The following CLMN variants were observed in gnomAD, a reference collection of about 807,000 sequenced individuals.
CLMN encodes calmin, also known as calmin (calponin-like, transmembrane).
Under a neutral mutation model 92.7 loss-of-function variants are expected in CLMN, and 57 were observed. The observed-to-expected ratio is 0.61, with a 90% CI of 0.50 to 0.77. The LOEUF is 0.77. Among genes scored for constraint, CLMN ranks in the 30% least tolerant of loss-of-function variants. The pLI is 0.00. For synonymous variants in CLMN, 466 were observed against 470.6 expected (o/e 0.99, Z 0.13); for missense variants, 1,158 against 1,237.5 (o/e 0.94, Z 0.96).
At chr14:95,197,304 G>A (rs1366894684) in intron 9 of CLMN, among the ~76,000 whole-genome samples, 1 of 148,230 alleles carries the variant, frequency 6.7e-6, no homozygotes, top group Non-Finnish European at 1.5e-5. Context: ...GGAGGAAGAA[G>A]AAGAAAGAAG....
intron 1 of CLMN, among the ~76,000 whole-genome samples, chr14:95,258,612 C>T (rs1280099021): frequency 1.6e-5 from 2 of 122,522 alleles, no homozygotes; most frequent in Admixed American, 8.7e-5. Flanking sequence ...GGTATATGTG[C>T]GGAAGGTGTG....
intron 8 of CLMN, among the ~76,000 whole-genome samples, chr14:95,208,110 T>C (rs996231823): frequency 6.6e-6 from 1 of 151,556 alleles, no homozygotes; most frequent in Non-Finnish European, 1.5e-5. Context: ...TCCCCTCTCC[T>C]GCAAGCATCC....
rs1317773461 is a variant in CLMN, at chr14:95,213,374, AGAGTTTCTGCTG to A, written c.441_452del (p.Ser148_Ser151del). On this transcript the variant is annotated inframe_deletion, in exon 6 of 13. Coordinates refer to ENST00000298912, the MANE Select transcript of CLMN (RefSeq NM_024734.4). ...AGCCAGGGGACAAGCTGGAAGATGGAGAGTTTCTGCTGAGGTTGCCTGTGAGCTCCTTAATCT... is the reference window on the plus strand; with the variant it reads ...AGCCAGGGGACAAGCTGGAAGATGGAAGGTTGCCTGTGAGCTCCTTAATCT... 1 of 1,612,132 alleles carries A rather than the reference AGAGTTTCTGCTG, an allele frequency of 6.2e-7. No individual in the cohort carries two copies. Among genetic ancestry groups the A allele is most frequent in the Non-Finnish European group, 8.5e-7 (1 of 1,179,370 alleles).
Position 95,223,772 on chromosome 14 carries a change from A to G in CLMN, c.228T>C (p.Ser76=). The G allele has an allele frequency of 6.2e-7, 1 of 1,613,388 alleles. No homozygotes were observed. Among genetic ancestry groups the G allele is most frequent in the Non-Finnish European group, 8.5e-7 (1 of 1,179,584 alleles). Residue 76 remains serine (S), a synonymous_variant, in exon 3 of 13, where the codon TCT becomes TCC. Coordinates refer to ENST00000298912, the MANE Select transcript of CLMN (RefSeq NM_024734.4). The stretch of plus-strand genomic sequence containing the variant: ...GTAACATACGTACCAGATTCCGCCC[A>G]GACAGGACTTCTAACAAAGCCATTA... ...KILMALLEVL[S]GRNLLHEYKS... is the part of the protein sequence containing the mutation.
intron 1 of CLMN, among the ~76,000 whole-genome samples, chr14:95,244,089 TG>T (rs991378463): frequency 1.2e-4 from 18 of 152,314 alleles, no homozygotes; most frequent in African/African-American, 3.8e-4. Flanking sequence ...CCTTCTACCA[TG>T]ATTGTAAGAT....
chr14:95,268,785 T>G (rs1334183423), intron 1 of CLMN, among the ~76,000 whole-genome samples: 4 of 128,804 alleles, frequency 3.1e-5, no homozygotes, highest in African/African-American at 1.3e-4. Flanking sequence ...GACCTCTCTC[T>G]CTCTCTCTCT....
chr14:95,213,259 T>G lies in CLMN; in HGVS notation c.568A>C (p.Ile190Leu). The change falls in exon 6 of 13, where the codon ATC becomes CTC. Residue 190 changes from isoleucine to leucine, a missense_variant. By Grantham distance (5) the Ile-to-Leu change is conservative (BLOSUM62 2). Transcript: ENST00000298912. ...AISVKDQRKA[I>L]KALLAWVQRK... Reference sequence around the variant, plus strand: ...TGCACCCACGCCAACAGGGCCTTGATAGCCTTCCTCTGGTCTTTCACCGAT... The same window carrying G: ...TGCACCCACGCCAACAGGGCCTTGAGAGCCTTCCTCTGGTCTTTCACCGAT... 2 of 1,614,092 alleles carry G rather than the reference T, an allele frequency of 1.2e-6. No individual in the cohort carries two copies. Among genetic ancestry groups the G allele is most frequent in the South Asian group, 2.2e-5 (2 of 91,046 alleles).
chr14:95,312,432 C>T (rs1185828181), intron 1 of CLMN, among the ~76,000 whole-genome samples: 1 of 152,182 alleles, frequency 6.6e-6, no homozygotes, highest in Non-Finnish European at 1.5e-5. Context: ...ATACAACAAG[C>T]ATTCCCTGCT....
intron 1 of CLMN, among the ~76,000 whole-genome samples, chr14:95,242,250 C>CTTTTTTTTTTTTTTTT (rs371417505): frequency 9.7e-5 from 9 of 92,588 alleles, no homozygotes; most frequent in Admixed American, 1.3e-4. Context: ...TTTTCTTTTT[C>CTTTTTTTTTTTTTTTT]TTTTTTTTTT....
At position 95,203,073 on chromosome 14, in the gene CLMN, T is replaced by C. The variant is rs373934863; in HGVS notation, c.2276A>G (p.Glu759Gly). ...CAGGTCTGGCATATAGCCCTCTGGCTCTTCGAGATCCATTTCTTCATTTTT... is the reference window on the plus strand; with the variant it reads ...CAGGTCTGGCATATAGCCCTCTGGCCCTTCGAGATCCATTTCTTCATTTTT... ...DLKNEEMDLE[E>G]PEGYMPDLDS... is the part of the protein sequence containing the mutation. The change falls in exon 9 of 13, where the codon GAG becomes GGG. Residue 759 changes from glutamate to glycine, a missense_variant. Glu to Gly is a moderately conservative substitution (Grantham distance 98, BLOSUM62 -2). Transcript: ENST00000298912. 1.2e-6 allele frequency: 2 copies of C among 1,614,106 alleles called. No homozygotes were observed. Among genetic ancestry groups the C allele is most frequent in the Non-Finnish European group, 1.7e-6 (2 of 1,180,030 alleles).
chr14:95,288,539 T>C (rs998683678), intron 1 of CLMN, among the ~76,000 whole-genome samples: 4 of 152,096 alleles, frequency 2.6e-5, no homozygotes, highest in African/African-American at 9.7e-5. Context: ...GCTGAAGAGA[T>C]TGGCAGATCC....
At chr14:95,319,670 C>A (rs1188433971) in intron 1 of CLMN, 41 bp downstream of exon 1, 2 of 1,532,202 alleles carry the variant, frequency 1.3e-6, no homozygotes, top group Non-Finnish European at 1.8e-6. Flanking sequence ...CCGGGCCCCC[C>A]GAGCGCCCAG....
At chr14:95,299,664 T>A (rs1900960806) in intron 1 of CLMN, among the ~76,000 whole-genome samples, 1 of 152,172 alleles carries the variant, frequency 6.6e-6, no homozygotes. Context: ...GAGCCAAGAT[T>A]CGAGTCCAGG....
In CLMN at chr14:95,184,050, G is replaced by A. The variant is rs1595539987; in HGVS notation, c.*7514C>T. On this transcript the variant is annotated 3_prime_UTR_variant, in exon 13 of 13. Coordinates refer to ENST00000298912, the MANE Select transcript of CLMN (RefSeq NM_024734.4). ...TGGTACACTAAGGGTTAGGGAAAGAGGTATAGTCAACGCTTGCTTCAAGAG... is the reference window on the plus strand; with the variant it reads ...TGGTACACTAAGGGTTAGGGAAAGAAGTATAGTCAACGCTTGCTTCAAGAG... 2 of 152,218 alleles carry A rather than the reference G, an allele frequency of 1.3e-5. No individual in the cohort carries two copies. The highest frequency in any genetic ancestry group is 4.1e-4 in the South Asian group (2 of 4,828). 9.4% of individuals were successfully genotyped at this position (152,218 alleles called of 1,614,324 possible). A position where few individuals can be genotyped will look rare whatever the true frequency, so the allele number is the denominator to read the frequency against.
At chr14:95,280,023 T>G (rs1315128251) in intron 1 of CLMN, among the ~76,000 whole-genome samples, 1 of 152,082 alleles carries the variant, frequency 6.6e-6, no homozygotes, top group Admixed American at 6.6e-5. Context: ...TTAAGTTAGA[T>G]AGGCTAAAGC....
chr14:95,299,415 C>T (rs530953129), intron 1 of CLMN, among the ~76,000 whole-genome samples: 4 of 152,318 alleles, frequency 2.6e-5, no homozygotes, highest in East Asian at 1.9e-4. Context: ...CCACGGGACA[C>T]GCACCAGGGC....
chr14:95,197,471 C>CACAA (rs995848963), intron 9 of CLMN, among the ~76,000 whole-genome samples: 101 of 152,240 alleles, frequency 6.6e-4, no homozygotes, highest in African/African-American at 2.0e-3. Context: ...TTGAATCCTT[C>CACAA]ACAACCATCA....
chr14:95,315,511 A>G (rs1233218945), intron 1 of CLMN, among the ~76,000 whole-genome samples: 1 of 152,196 alleles, frequency 6.6e-6, no homozygotes, highest in Non-Finnish European at 1.5e-5. Flanking sequence ...GGACACCTGC[A>G]CCTGGGCCTG....
In CLMN at chr14:95,240,530, T is replaced by C. The variant is rs569582535; in HGVS notation, c.83-10397A>G. 2.9e-3 allele frequency among the ~76,000 whole-genome samples: 446 copies of C among 152,246 alleles called. 6 individuals are homozygous for C. Among genetic ancestry groups the C allele is most frequent in the Non-Finnish European group, 4.6e-3 (311 of 68,012 alleles). On this transcript the variant is annotated intron_variant, in intron 1 of 12. Transcript: ENST00000298912. ...GAGTCTGGGGTCCCATGTCTCCCCA[T>C]GGACAAGGATCACCCAGTAAAGCCA...
Sources: allele counts gnomAD v4.1 joint callset (sites outside exome capture counted in the v4.1 genomes callset), GRCh38; gene constraint gnomAD v4.1.1; transcripts MANE v1.5; gene names NCBI Gene and HGNC (gene_info 2026-07-23, HGNC 2026-07-21).